BNC2: variants seen among roughly 807,000 people sequenced by gnomAD.
BNC2 encodes zinc finger protein basonuclin-2.
In BNC2, 20 loss-of-function variants were observed where a neutral mutation model predicts 76.3. The ratio of observed to expected loss-of-function variants is 0.26; its 90% CI spans 0.18 to 0.38. BNC2 has a LOEUF of 0.38. Ranked by LOEUF, BNC2 falls within the 10% of genes least tolerant of loss-of-function variation. The pLI is 1.00. For synonymous variants in BNC2, 582 were observed against 514.8 expected, an observed-to-expected ratio of 1.13 and a Z score of -1.77; for missense variants, 1,382 against 1,399.8, an observed-to-expected ratio of 0.99 and a Z score of 0.20.
chr9:16,798,406 G>C (rs1817705413), intron 1 of BNC2, among the ~76,000 whole-genome samples: 1 of 152,006 alleles, frequency 6.6e-6, no homozygotes, highest in African/African-American at 2.4e-5. Context: ...ATTTACAAAA[G>C]ATTTTCACAT....
At chr9:16,421,763 C>A (rs1297074941) in intron 6 of BNC2, among the ~76,000 whole-genome samples, 1 of 152,184 alleles carries the variant, frequency 6.6e-6, no homozygotes, top group African/African-American at 2.4e-5. Context: ...GGGTACAACA[C>A]CACCAGTTAT....
intron 5 of BNC2, among the ~76,000 whole-genome samples, chr9:16,509,152 C>A (rs999294624): frequency 1.3e-5 from 2 of 152,110 alleles, no homozygotes; most frequent in Non-Finnish European, 2.9e-5. Context: ...TAAACTCACC[C>A]CAAATGTCCA....
At chr9:16,641,772 A>G (rs933227007) in intron 3 of BNC2, among the ~76,000 whole-genome samples, 15 of 152,308 alleles carry the variant, frequency 9.8e-5, no homozygotes, top group African/African-American at 3.4e-4. Context: ...GCCATGTTAA[A>G]TATGTATCAA....
rs535165249 is a variant in BNC2, at chr9:16,679,687, C to T, written c.330+48110G>A. Among the ~76,000 whole-genome samples the T allele has an allele frequency of 2.6e-5, 4 of 152,306 alleles. No homozygotes were observed. In the South Asian group the frequency reaches 8.3e-4, roughly 32 times the overall value. ...CCCTAGATGCGCGGGCCGGATGACA[C>T]CTCCATTGCTTAGCACCTCTCTGCC... is the stretch of plus-strand genomic sequence containing the variant. On this transcript the variant is annotated intron_variant, in intron 3 of 6. Transcript: ENST00000380672.
At chr9:16,625,441 C>T (rs996095385) in intron 3 of BNC2, among the ~76,000 whole-genome samples, 3 of 152,136 alleles carry the variant, frequency 2.0e-5, no homozygotes, top group Admixed American at 6.5e-5. Context: ...TTTCTTCTAA[C>T]ATAAACCTCA....
In BNC2 at chr9:16,471,292, A is replaced by AC. The variant is rs1175340282; in HGVS notation, c.670-33769_670-33768insG. 2.5e-3 allele frequency among the ~76,000 whole-genome samples: 337 copies of AC among 133,758 alleles called. 6 individuals carry two copies. The East Asian group carries it at 0.059, about 23-fold the overall frequency. 87.8% of individuals were successfully genotyped at this position (133,758 alleles called of 152,430 possible). A position where few individuals can be genotyped will look rare whatever the true frequency, so the allele number is the denominator to read the frequency against. On this transcript the variant is annotated intron_variant, in intron 5 of 6. Transcript: ENST00000380672. ...CTGGGAAGTAACTAGCTTGCTTTTG[A>AC]TTTTTTTTTTTTTTTTTTTAAGATA...
chr9:16,529,536 G>A (rs1817913490), intron 5 of BNC2, among the ~76,000 whole-genome samples: 1 of 152,074 alleles, frequency 6.6e-6, no homozygotes, highest in Non-Finnish European at 1.5e-5. Context: ...TTAAAAGGAA[G>A]CTTTGATATA....
intron 1 of BNC2, among the ~76,000 whole-genome samples, chr9:16,839,803 A>G (rs780762227): frequency 7.9e-5 from 12 of 152,252 alleles, no homozygotes; most frequent in Non-Finnish European, 1.0e-4. Context: ...GACTGAATTG[A>G]AAAGGATTTT....
intron 3 of BNC2, among the ~76,000 whole-genome samples, chr9:16,699,528 G>C (rs1209989599): frequency 1.3e-5 from 2 of 152,148 alleles, no homozygotes; most frequent in Non-Finnish European, 1.5e-5. Flanking sequence ...ACTAGTAATT[G>C]AAAAGGCCAA....
intron 3 of BNC2, among the ~76,000 whole-genome samples, chr9:16,588,477 G>C (rs556078654): frequency 1.3e-5 from 2 of 151,762 alleles, no homozygotes; most frequent in African/African-American, 4.8e-5. Flanking sequence ...TGTTTTACAC[G>C]GCTCTTAAAT....
At chr9:16,422,177 C>T (rs1820723988) in intron 6 of BNC2, among the ~76,000 whole-genome samples, 1 of 152,202 alleles carries the variant, frequency 6.6e-6, no homozygotes, top group African/African-American at 2.4e-5. Context: ...TCACTTACAG[C>T]AGTAGAAATC....
intron 1 of BNC2, among the ~76,000 whole-genome samples, chr9:16,793,717 G>A (rs1016480064): frequency 7.5e-6 from 1 of 132,884 alleles, no homozygotes; most frequent in East Asian, 2.2e-4. Flanking sequence ...CCAGGCTTGA[G>A]TGCAGTGGCG....
intron 1 of BNC2, among the ~76,000 whole-genome samples, chr9:16,803,874 T>G (rs1213060955): frequency 6.6e-6 from 1 of 152,170 alleles, no homozygotes; most frequent in Non-Finnish European, 1.5e-5. Context: ...TTCGGCTGAG[T>G]GAATCGCTAC....
At chr9:16,437,883 C>T (rs1563783722) in intron 5 of BNC2, among the ~76,000 whole-genome samples, 1 of 152,058 alleles carries the variant, frequency 6.6e-6, no homozygotes, top group South Asian at 2.1e-4. Context: ...TGAACTCTTG[C>T]TGTGAAATCC....
chr9:16,859,167 T>A (rs937089609), intron 1 of BNC2, among the ~76,000 whole-genome samples: 1 of 113,626 alleles, frequency 8.8e-6, no homozygotes, highest in African/African-American at 3.4e-5. Context: ...TCAACCATTT[T>A]TGAATGGTTA....
chr9:16,686,087 G>A lies in BNC2; in HGVS notation c.330+41710C>T, dbSNP rs142091618. ...TTCAACAATGCCTAAGTTCCTTTAC[G>A]TTCTTAAAATATTTGTTCAAATTTA... On this transcript the variant is annotated intron_variant, in intron 3 of 6. Coordinates refer to ENST00000380672, the MANE Select transcript of BNC2 (RefSeq NM_017637.6). Among the ~76,000 whole-genome samples, 265 of 151,508 alleles carry A rather than the reference G, an allele frequency of 1.7e-3. 2 individuals are homozygous for A. Among genetic ancestry groups the A allele is most frequent in the Middle Eastern group, 0.017 (5 of 294 alleles).
At chr9:16,731,985 T>G (rs1393171429) in intron 2 of BNC2, among the ~76,000 whole-genome samples, 2 of 151,766 alleles carry the variant, frequency 1.3e-5, no homozygotes, top group African/African-American at 4.8e-5. Context: ...TCAGTTAGTG[T>G]GGGATAACAA....
At chr9:16,649,556 T>C (rs760412738) in intron 3 of BNC2, among the ~76,000 whole-genome samples, 11 of 152,178 alleles carry the variant, frequency 7.2e-5, no homozygotes, top group Non-Finnish European at 1.3e-4. Context: ...GCATATTCTG[T>C]CTTCCTTTGT....
At chr9:16,699,089 G>C (rs1426471902) in intron 3 of BNC2, 1 of 427,772 alleles carries the variant, frequency 2.3e-6, no homozygotes, top group Non-Finnish European at 4.7e-6. Flanking sequence ...TTTTGGTTTG[G>C]GTAGTGATTT....
Sources: gnomAD v4.1 joint callset for allele counts (sites outside exome capture counted in the v4.1 genomes callset) on GRCh38, gnomAD v4.1.1 for gene constraint, MANE v1.5 for transcripts, NCBI Gene and HGNC (gene_info 2026-07-23, HGNC 2026-07-21) for gene names.